Variants in PCGF6 observed in about 807,000 individuals in gnomAD.
PCGF6 encodes polycomb group RING finger protein 6.
In PCGF6, 24 loss-of-function variants were observed where a neutral mutation model predicts 45.5. That is an observed-to-expected ratio of 0.53 (90% confidence interval 0.38 to 0.74). The LOEUF (loss-of-function observed/expected upper bound fraction) is 0.74, where lower values mean the gene tolerates loss of function less well. Among genes scored for constraint, PCGF6 ranks in the 30% least tolerant of loss-of-function variants. PCGF6 has a pLI of 0.00. For synonymous variants in PCGF6, 152 were observed against 162.1 expected (o/e 0.94, Z 0.47); for missense variants, 356 against 443.2 (o/e 0.80, Z 1.77).
At chr10:103,308,555 T>C (rs2133553498) in intron 9 of PCGF6, among the ~76,000 whole-genome samples, 1 of 151,072 alleles carries the variant, frequency 6.6e-6, no homozygotes, top group Admixed American at 6.6e-5. Flanking sequence ...TGCACCACCA[T>C]GCCTGGCTAA....
intron 6 of PCGF6, among the ~76,000 whole-genome samples, chr10:103,340,193 AAAAAAATATAT>A (rs1354663761): frequency 3.7e-5 from 4 of 108,414 alleles, no homozygotes; most frequent in African/African-American, 1.2e-4. Context: ...AAAAAAAAAA[AAAAAAATATAT>A]ATATATATAT....
intron 8 of PCGF6, among the ~76,000 whole-genome samples, chr10:103,324,384 C>A (rs967486142): frequency 1.4e-5 from 2 of 146,232 alleles, no homozygotes; most frequent in African/African-American, 5.4e-5. Context: ...ACTAACTGGA[C>A]CACAGAACTA....
chr10:103,314,276 T>A lies in PCGF6; in HGVS notation c.910-4A>T, dbSNP rs1420720843. 2 of 1,551,950 alleles carry A rather than the reference T, an allele frequency of 1.3e-6. No individual in the cohort carries two copies. Among genetic ancestry groups the A allele is most frequent in the South Asian group, 2.3e-5 (2 of 87,540 alleles). On this transcript the variant is annotated splice_polypyrimidine_tract_variant and splice_region_variant and intron_variant, in intron 8 of 9. Coordinates refer to ENST00000369847, the MANE Select transcript of PCGF6 (RefSeq NM_001011663.2). ...GATCACCACAGATTATATCTACCTA[T>A]GGACATGAAGAGAGTATTAGATTGA...
At chr10:103,334,224 A>AT (rs1416983270) in intron 6 of PCGF6, among the ~76,000 whole-genome samples, 2 of 152,218 alleles carry the variant, frequency 1.3e-5, no homozygotes, top group Non-Finnish European at 2.9e-5. Flanking sequence ...AAATATGAGA[A>AT]TTTACTTATT....
intron 9 of PCGF6, among the ~76,000 whole-genome samples, chr10:103,307,960 G>A (rs1457992274): frequency 2.0e-4 from 31 of 152,148 alleles, no homozygotes. Flanking sequence ...TTTTGGCCAG[G>A]CATGCTGGCT....
At chr10:103,307,418 CACG>C (rs1385917660) in intron 9 of PCGF6, among the ~76,000 whole-genome samples, 1 of 151,890 alleles carries the variant, frequency 6.6e-6, no homozygotes, top group Non-Finnish European at 1.5e-5. Flanking sequence ...ACCTGGGCAA[CACG>C]ACAAGACCAC....
chr10:103,324,687 G>C (rs1455691379), intron 8 of PCGF6, among the ~76,000 whole-genome samples: 3 of 149,786 alleles, frequency 2.0e-5, no homozygotes, highest in Non-Finnish European at 1.5e-5. Context: ...TTGAACCCGG[G>C]AGGCGGAGGT....
At chr10:103,311,547 G>A (rs557075126) in intron 9 of PCGF6, among the ~76,000 whole-genome samples, 4 of 149,942 alleles carry the variant, frequency 2.7e-5, no homozygotes, top group Admixed American at 6.7e-5. Context: ...GGCTTGAAGC[G>A]ATTCTCCCAC....
At chr10:103,328,178 C>T (rs1438360213) in intron 7 of PCGF6, among the ~76,000 whole-genome samples, 1 of 152,044 alleles carries the variant, frequency 6.6e-6, no homozygotes, top group Non-Finnish European at 1.5e-5. Context: ...GTAATCAGAA[C>T]TAAACAGTCC....
chr10:103,333,844 C>T, intron 7 of PCGF6, 81 bp downstream of exon 7: 1 of 948,172 alleles, frequency 1.1e-6, no homozygotes, highest in Non-Finnish European at 1.6e-6. Flanking sequence ...TTTATACAAT[C>T]TCCATTTGGT....
rs1456781919 is a variant in PCGF6 at position 103,303,397 on chromosome 10, G to C, written c.*508C>G. On this transcript the variant is annotated 3_prime_UTR_variant, in exon 10 of 10. Coordinates refer to ENST00000369847, the MANE Select transcript of PCGF6 (RefSeq NM_001011663.2). The stretch of plus-strand genomic sequence containing the variant: ...GTTGCTAGTATAAAAAAAGGTACAA[G>C]TTCAAAATATGCTGGCAACATACAA... 6.6e-6 allele frequency: 1 copy of C among 152,552 alleles called. No individual in the cohort carries two copies. The highest frequency in any genetic ancestry group is 6.5e-5 in the Admixed American group (1 of 15,314). The allele number at this position is 152,552 out of a possible 1,614,324, so 9.4% of individuals were successfully genotyped here.
At chr10:103,333,272 C>T (rs1206651134) in intron 7 of PCGF6, among the ~76,000 whole-genome samples, 2 of 152,080 alleles carry the variant, frequency 1.3e-5, no homozygotes, top group East Asian at 3.8e-4. Context: ...GTTCATAAAA[C>T]AGTACAGTAT....
At chr10:103,319,900 GA>G (rs1381849646) in intron 8 of PCGF6, among the ~76,000 whole-genome samples, 1 of 152,116 alleles carries the variant, frequency 6.6e-6, no homozygotes, top group Non-Finnish European at 1.5e-5. Flanking sequence ...CCACCTCCTG[GA>G]TTCATGTGAT....
At chr10:103,349,665 G>T (rs975973704) in intron 1 of PCGF6, among the ~76,000 whole-genome samples, 9 of 150,532 alleles carry the variant, frequency 6.0e-5, no homozygotes, top group Non-Finnish European at 1.0e-4. Context: ...ATTTTCAGTA[G>T]AGAAGGGGTT....
chr10:103,349,479 GTTTTTTTT>G (rs11450842), intron 1 of PCGF6, among the ~76,000 whole-genome samples: 1 of 108,148 alleles, frequency 9.2e-6, no homozygotes, highest in Non-Finnish European at 1.7e-5. Context: ...CTTTCTTTCC[GTTTTTTTT>G]TTTTTTTTTT....
At chr10:103,325,670 T>C (rs2093215508) in intron 8 of PCGF6, among the ~76,000 whole-genome samples, 1 of 152,130 alleles carries the variant, frequency 6.6e-6, no homozygotes, top group African/African-American at 2.4e-5. Context: ...GCCTCTTTAA[T>C]ATTTCTATCT....
chr10:103,340,500 C>T (rs769350284), intron 6 of PCGF6, among the ~76,000 whole-genome samples: 5 of 152,042 alleles, frequency 3.3e-5, no homozygotes, highest in Non-Finnish European at 5.9e-5. Context: ...CACACGTTTA[C>T]CATCGTTGTA....
At chr10:103,338,167 G>A (rs953955995) in intron 6 of PCGF6, among the ~76,000 whole-genome samples, 10 of 152,102 alleles carry the variant, frequency 6.6e-5, no homozygotes, top group South Asian at 4.2e-4. Flanking sequence ...CTTGAACCTA[G>A]GAGGCAGAGG....
chr10:103,318,371 A>T (rs2093183854), intron 8 of PCGF6, among the ~76,000 whole-genome samples: 1 of 147,252 alleles, frequency 6.8e-6, no homozygotes, highest in Admixed American at 6.8e-5. Context: ...CAAACCTGGG[A>T]GTCAGAAGTT....
Sources: gnomAD v4.1 joint callset for allele counts (sites outside exome capture counted in the v4.1 genomes callset) on GRCh38, gnomAD v4.1.1 for gene constraint, MANE v1.5 for transcripts, NCBI Gene and HGNC (gene_info 2026-07-23, HGNC 2026-07-21) for gene names.